ALG6: variants seen among roughly 807,000 people sequenced by gnomAD.
ALG6 encodes the protein dolichyl pyrophosphate Man9GlcNAc2 alpha-1,3-glucosyltransferase.
In ALG6, 46 loss-of-function variants were observed where a neutral mutation model predicts 66.6. The observed-to-expected ratio is 0.69, with a 90% CI of 0.55 to 0.88. The LOEUF is 0.88. Ranked by LOEUF, ALG6 falls within the 40% of genes least tolerant of loss-of-function variation. ALG6 has a pLI of 0.00. For missense variants in ALG6, 505 were observed against 586.8 expected (o/e 0.86, Z 1.44); for synonymous variants, 185 against 203.7 (o/e 0.91, Z 0.78).
chr1:63,379,861 G>A (rs373235176), intron 2 of ALG6, among the ~76,000 whole-genome samples: 1 of 151,174 alleles, frequency 6.6e-6, no homozygotes, highest in Non-Finnish European at 1.5e-5. Flanking sequence ...TGGACCCTTT[G>A]TCTGGCATAT....
rs751280587 is a variant in ALG6 at position 63,428,976 on chromosome 1, G to T, written c.1176G>T (p.Val392=). The change falls in exon 14 of 15, where the codon GTG becomes GTT. Residue 392 remains valine (V), a synonymous_variant. Coordinates refer to ENST00000263440, the MANE Select transcript of ALG6 (RefSeq NM_013339.4). ...ATGAACTCCTAATGCCCTCTGTTGTGACAACAATGGCATTTTTTATAGCTT... is the reference window on the plus strand; with the variant it reads ...ATGAACTCCTAATGCCCTCTGTTGTTACAACAATGGCATTTTTTATAGCTT... ...LKDELLMPSV[V]TTMAFFIACV... 1 of 1,612,962 alleles carries T rather than the reference G, an allele frequency of 6.2e-7. No individual in the cohort carries two copies. The highest frequency in any genetic ancestry group is 1.7e-5 in the Admixed American group (1 of 59,916).
At chr1:63,400,336 C>T (rs192651106) in intron 3 of ALG6, among the ~76,000 whole-genome samples, 246 of 19,598 alleles carry the variant, frequency 0.013, 79 homozygotes, top group Non-Finnish European at 0.018. Flanking sequence ...TATATATATA[C>T]GTATATATAT....
intron 2 of ALG6, among the ~76,000 whole-genome samples, chr1:63,394,936 G>A (rs1648774818): frequency 1.3e-5 from 2 of 151,470 alleles, no homozygotes; most frequent in African/African-American, 2.4e-5. Context: ...TGTGATCTTG[G>A]CTCACTGCAA....
intron 14 of ALG6, among the ~76,000 whole-genome samples, chr1:63,431,596 C>T (rs369379929): frequency 4.7e-4 from 71 of 152,148 alleles, no homozygotes; most frequent in Middle Eastern, 3.4e-3. Flanking sequence ...TTTTTAGAGA[C>T]GGAGTTTCAC....
intron 3 of ALG6, among the ~76,000 whole-genome samples, chr1:63,398,596 C>T (rs1644424607): frequency 6.6e-6 from 1 of 152,150 alleles, no homozygotes; most frequent in East Asian, 1.9e-4. Flanking sequence ...CCTTAGCTTC[C>T]CGAGTAGCTG....
At chr1:63,399,284 G>A (rs1644431403) in intron 3 of ALG6, among the ~76,000 whole-genome samples, 2 of 152,206 alleles carry the variant, frequency 1.3e-5, no homozygotes, top group African/African-American at 2.4e-5. Flanking sequence ...CTGCTAGCAA[G>A]ACAGAATATT....
intron 14 of ALG6, 33 bp from the exon 15 acceptor site, chr1:63,436,790 T>G: frequency 6.2e-7 from 1 of 1,600,288 alleles, no homozygotes; most frequent in Non-Finnish European, 8.6e-7. Flanking sequence ...TTTCACCTTT[T>G]ATACTACTCA....
At chr1:63,408,573 T>G (rs1173484212) in intron 7 of ALG6, among the ~76,000 whole-genome samples, 1 of 152,192 alleles carries the variant, frequency 6.6e-6, no homozygotes, top group East Asian at 1.9e-4. Flanking sequence ...ATGTCGATTT[T>G]TAGATAATCC....
At chr1:63,388,899 T>A (rs1648584875) in intron 2 of ALG6, among the ~76,000 whole-genome samples, 1 of 152,230 alleles carries the variant, frequency 6.6e-6, no homozygotes, top group Non-Finnish European at 1.5e-5. Context: ...TGTGCCATTC[T>A]CTTCTGGCCT....
rs527303501 is a variant in ALG6, at chr1:63,392,943, A to G, written c.83-3570A>G. ...GGATAGGAACTTGTTTCCCAACCCTAAAGAGAGTCATTATCCATTCTTCTA... is the reference window on the plus strand; with the variant it reads ...GGATAGGAACTTGTTTCCCAACCCTGAAGAGAGTCATTATCCATTCTTCTA... On this transcript the variant is annotated intron_variant, in intron 2 of 14. Transcript: ENST00000263440. Among the ~76,000 whole-genome samples the G allele has an allele frequency of 4.7e-4, 71 of 152,332 alleles. 1 individual carries two copies. Among genetic ancestry groups the G allele is most frequent in the African/African-American group, 1.6e-3 (67 of 41,582 alleles).
chr1:63,425,359 G>A (rs1644609781), intron 12 of ALG6, among the ~76,000 whole-genome samples: 1 of 152,146 alleles, frequency 6.6e-6, no homozygotes, highest in African/African-American at 2.4e-5. Flanking sequence ...GGACAGATGT[G>A]TGAAGAGTTC....
chr1:63,380,321 A>T (rs1027834759), intron 2 of ALG6, among the ~76,000 whole-genome samples: 2 of 152,238 alleles, frequency 1.3e-5, no homozygotes, highest in Non-Finnish European at 2.9e-5. Flanking sequence ...TCAAATGGAC[A>T]TAGCAACTTT....
intron 3 of ALG6, among the ~76,000 whole-genome samples, chr1:63,401,952 C>T (rs1350856392): frequency 1.3e-5 from 2 of 151,490 alleles, no homozygotes; most frequent in East Asian, 1.9e-4. Context: ...TTGCACGTAA[C>T]GAGGCTCTCG....
intron 2 of ALG6, among the ~76,000 whole-genome samples, chr1:63,373,877 C>T (rs1648022827): frequency 1.3e-5 from 2 of 151,982 alleles, no homozygotes; most frequent in South Asian, 4.1e-4. Context: ...CTGCCTCAGC[C>T]TCCCAAAGTA....
chr1:63,400,254 T>C (rs182420687), intron 3 of ALG6, among the ~76,000 whole-genome samples: 524 of 5,508 alleles, frequency 0.095, 137 homozygotes, highest in Non-Finnish European at 0.11. Flanking sequence ...CGTATATATA[T>C]GTATATATAT....
chr1:63,386,783 A>G (rs996592309), intron 2 of ALG6, among the ~76,000 whole-genome samples: 2 of 151,810 alleles, frequency 1.3e-5, no homozygotes, highest in South Asian at 2.1e-4. Context: ...TGATCTTTCA[A>G]CTTCGTTTAT....
chr1:63,372,447 ATG>A (rs1647960580), intron 2 of ALG6, among the ~76,000 whole-genome samples: 1 of 152,048 alleles, frequency 6.6e-6, no homozygotes, highest in South Asian at 2.1e-4. Flanking sequence ...ATTTATATAT[ATG>A]TGTGTCTATA....
intron 12 of ALG6, among the ~76,000 whole-genome samples, chr1:63,427,652 A>G (rs1382201243): frequency 1.3e-5 from 2 of 152,048 alleles, no homozygotes; most frequent in Non-Finnish European, 2.9e-5. Context: ...TAAAGGGCAA[A>G]CATGGGGACC....
intron 14 of ALG6, among the ~76,000 whole-genome samples, chr1:63,436,244 A>G (rs1644677860): frequency 6.6e-6 from 1 of 152,178 alleles, no homozygotes; most frequent in African/African-American, 2.4e-5. Context: ...TAATGCATGA[A>G]GATCAAATCG....
Sources: allele counts gnomAD v4.1 joint callset (sites outside exome capture counted in the v4.1 genomes callset), GRCh38; gene constraint gnomAD v4.1.1; transcripts MANE v1.5; gene names NCBI Gene and HGNC (gene_info 2026-07-23, HGNC 2026-07-21).